Variants in NUP210L observed in about 807,000 individuals in gnomAD.
NUP210L encodes nucleoporin 210 like.
A neutral mutation model predicts 208.5 loss-of-function variants in NUP210L; 74 were observed. The ratio of observed to expected loss-of-function variants is 0.35; its 90% confidence interval spans 0.29 to 0.43. The LOEUF (loss-of-function observed/expected upper bound fraction) is 0.43, where lower values mean the gene tolerates loss of function less well. Ranked by LOEUF, NUP210L falls within the 20% of genes least tolerant of loss-of-function variation. The probability of loss-of-function intolerance (pLI) is 1.00; values close to 1 mark genes in which losing one functional copy is unlikely to be tolerated. For synonymous variants in NUP210L, 780 were observed against 816.9 expected, an observed-to-expected ratio of 0.95 and a Z score of 0.77; for missense variants, 1,843 against 2,289.4, an observed-to-expected ratio of 0.81 and a Z score of 3.98.
At chr1:154,092,748 G>A (rs914388739) in intron 15 of NUP210L, among the ~76,000 whole-genome samples, 11 of 150,696 alleles carry the variant, frequency 7.3e-5, no homozygotes, top group African/African-American at 2.0e-4. Flanking sequence ...TTTTTGAGAC[G>A]GGATCTTGCA....
chr1:154,085,001 C>G (rs868335348), intron 16 of NUP210L, among the ~76,000 whole-genome samples: 12 of 143,120 alleles, frequency 8.4e-5, no homozygotes, highest in African/African-American at 3.1e-4. Context: ...CCACCCAATT[C>G]GGCCTCCCAA....
intron 12 of NUP210L, among the ~76,000 whole-genome samples, chr1:154,108,929 C>T (rs1201120564): frequency 6.6e-5 from 10 of 151,544 alleles, no homozygotes; most frequent in Admixed American, 5.9e-4. Flanking sequence ...GGAGAAACCC[C>T]GTCTCTACTA....
At chr1:154,015,949 T>A (rs1193619082) in intron 33 of NUP210L, among the ~76,000 whole-genome samples, 4 of 145,598 alleles carry the variant, frequency 2.7e-5, no homozygotes, top group East Asian at 4.0e-4. Flanking sequence ...AATAAATAAA[T>A]AAATAAAAAT....
At chr1:154,114,662 G>A (rs1657221651) in intron 12 of NUP210L, among the ~76,000 whole-genome samples, 1 of 152,008 alleles carries the variant, frequency 6.6e-6, no homozygotes, top group African/African-American at 2.4e-5. Flanking sequence ...AGAGTGCAGA[G>A]GCGTGATCAT....
intron 14 of NUP210L, among the ~76,000 whole-genome samples, chr1:154,099,273 C>T (rs190639053): frequency 4.6e-5 from 7 of 152,252 alleles, no homozygotes; most frequent in African/African-American, 1.7e-4. Context: ...CCTGGGTCCG[C>T]AGTCATGACT....
At chr1:153,998,684 A>C (rs1650038929) in intron 37 of NUP210L, among the ~76,000 whole-genome samples, 1 of 146,356 alleles carries the variant, frequency 6.8e-6, no homozygotes, top group Non-Finnish European at 1.5e-5. Flanking sequence ...GTTCCAATAC[A>C]TTCTGTGATA....
chr1:154,024,783 C>T (rs1651761435), intron 30 of NUP210L, among the ~76,000 whole-genome samples: 1 of 151,544 alleles, frequency 6.6e-6, no homozygotes, highest in African/African-American at 2.4e-5. Context: ...TCTCCTGCCT[C>T]AGCCTTCCAA....
rs551342563 is a variant in NUP210L at position 154,067,901 on chromosome 1, C to A, written c.2554+2372G>T. ...TCCAACTTACAAGGGATGTGAAGGA[C>A]CTCTTCAAGGAGAACTACAAACCAC... On this transcript the variant is annotated intron_variant, in intron 17 of 39. Transcript: ENST00000368559. Among the ~76,000 whole-genome samples the A allele has an allele frequency of 2.8e-4, 43 of 152,178 alleles. No individual in the cohort carries two copies. In the South Asian group the frequency reaches 8.7e-3, roughly 31 times the overall value.
At chr1:154,044,549 T>G (rs1348235596) in intron 27 of NUP210L, among the ~76,000 whole-genome samples, 2 of 152,054 alleles carry the variant, frequency 1.3e-5, no homozygotes, top group Non-Finnish European at 2.9e-5. Flanking sequence ...ACCACTAGAG[T>G]TTCCTTAAAT....
intron 7 of NUP210L, among the ~76,000 whole-genome samples, chr1:154,131,282 AAAAG>A (rs1026274294): frequency 2.1e-4 from 32 of 151,736 alleles, no homozygotes; most frequent in Middle Eastern, 3.2e-3. Context: ...AAAAAAAAAA[AAAAG>A]AAAAGAAAAG....
At chr1:154,036,280 AATTT>A (rs912736530) in intron 27 of NUP210L, among the ~76,000 whole-genome samples, 9 of 150,184 alleles carry the variant, frequency 6.0e-5, no homozygotes, top group East Asian at 2.0e-4. Flanking sequence ...TTAATTAAAA[AATTT>A]ATTTATTTAA....
intron 10 of NUP210L, among the ~76,000 whole-genome samples, chr1:154,126,041 T>C (rs184348821): frequency 1.7e-3 from 262 of 152,098 alleles, no homozygotes; most frequent in African/African-American, 6.0e-3. Flanking sequence ...GTGCTGGGAT[T>C]ACAGGCGTGA....
intron 16 of NUP210L, among the ~76,000 whole-genome samples, chr1:154,071,436 T>A (rs145746324): frequency 0.011 from 1,673 of 151,740 alleles, 15 homozygotes; most frequent in Middle Eastern, 0.034. Flanking sequence ...CTTTTATCTC[T>A]TACCCCCCTC....
At chr1:154,125,451 A>C (rs1196720098) in intron 10 of NUP210L, among the ~76,000 whole-genome samples, 1 of 150,760 alleles carries the variant, frequency 6.6e-6, no homozygotes, top group Non-Finnish European at 1.5e-5. Context: ...CTCTGCCTCG[A>C]AAAACTAAAC....
At chr1:154,007,873 CTTAT>C (rs1650655205) in intron 35 of NUP210L, among the ~76,000 whole-genome samples, 1 of 150,086 alleles carries the variant, frequency 6.7e-6, no homozygotes, top group African/African-American at 2.5e-5. Flanking sequence ...TGCGCCCGGC[CTTAT>C]TTATTTATTT....
chr1:154,100,669 C>T (rs1411779167), intron 13 of NUP210L, among the ~76,000 whole-genome samples: 1 of 150,806 alleles, frequency 6.6e-6, no homozygotes, highest in East Asian at 2.1e-4. Flanking sequence ...CAGGCACCTG[C>T]CACCATGTCT....
At chr1:154,134,844 T>TC (rs1311563872) in intron 7 of NUP210L, among the ~76,000 whole-genome samples, 1 of 148,698 alleles carries the variant, frequency 6.7e-6, no homozygotes, top group Non-Finnish European at 1.5e-5. Context: ...TTCAAGCGAT[T>TC]CTCCTGCCTC....
intron 30 of NUP210L, among the ~76,000 whole-genome samples, chr1:154,024,399 AAG>A (rs1651735036): frequency 6.6e-6 from 1 of 152,162 alleles, no homozygotes; most frequent in African/African-American, 2.4e-5. Flanking sequence ...TGGTAGTTAA[AAG>A]AGATAATATA....
Position 154,025,586 on chromosome 1 carries a change from T to C in NUP210L, c.4078A>G (p.Ile1360Val), listed in dbSNP as rs755499891. Residue 1360 changes from isoleucine (I) to valine (V), a missense_variant, in exon 30 of 40, where the codon ATA (isoleucine) becomes GTA (valine). Physicochemically the swap from Ile to Val is conservative, Grantham distance 29 (BLOSUM62 3). Around this residue, in one of 5 missense-constraint regions of NUP210L, gnomAD observed 781 missense variants for 973.8 expected, o/e 0.80. Coordinates refer to ENST00000368559, the Ensembl canonical transcript of NUP210L. ...GTTTGGTTGACTCCAAAAGGTTCTA[T>C]AGAAGTGACTTCCAATACAGCAGTA... is the stretch of plus-strand genomic sequence containing the variant. 3.7e-6 allele frequency: 6 copies of C among 1,613,718 alleles called. No homozygotes were observed. In the East Asian group the frequency reaches 6.7e-5, roughly 18 times the overall value.
Sources: allele counts gnomAD v4.1 joint callset (sites outside exome capture counted in the v4.1 genomes callset), GRCh38; gene constraint gnomAD v4.1.1; regional missense constraint gnomAD v4.1.1; transcripts MANE v1.5; gene names NCBI Gene and HGNC (gene_info 2026-07-23, HGNC 2026-07-21).